The following CFAP52 variants were observed in gnomAD, a reference collection of about 807,000 sequenced individuals.
CFAP52 encodes cilia and flagella associated protein 52.
In CFAP52, 57 loss-of-function variants were observed where a neutral mutation model predicts 70.5. The ratio of observed to expected loss-of-function variants is 0.81; its 90% CI spans 0.65 to 1.01. The LOEUF (loss-of-function observed/expected upper bound fraction) is 1.01, where lower values mean the gene tolerates loss of function less well. CFAP52 is among the 50% of genes least tolerant of loss of function. The pLI is 0.00. For synonymous variants in CFAP52, 267 were observed against 292.5 expected, an observed-to-expected ratio of 0.91 and a Z score of 0.89; for missense variants, 785 against 788.5, an observed-to-expected ratio of 1.00 and a Z score of 0.05.
chr17:9,595,660 G>GT lies in CFAP52; in HGVS notation c.536+1346dup, dbSNP rs545432437. ...ACTTGAATTTTATATTAAAAAAAAA[G>GT]TTTTTTTAGGACAATCTGCATTCTA... is the stretch of plus-strand genomic sequence containing the variant. On this transcript the variant is annotated intron_variant, in intron 4 of 13. Coordinates refer to ENST00000352665, the MANE Select transcript of CFAP52 (RefSeq NM_145054.5). Among the ~76,000 whole-genome samples, 145 of 151,950 alleles carry GT rather than the reference G, an allele frequency of 9.5e-4. 6 individuals are homozygous for GT. In the South Asian group the frequency reaches 0.029, roughly 30 times the overall value.
chr17:9,627,728 T>G (rs1207980520), intron 8 of CFAP52, among the ~76,000 whole-genome samples: 2 of 152,158 alleles, frequency 1.3e-5, no homozygotes, highest in Admixed American at 6.5e-5. Context: ...TCATTTTATT[T>G]TTAGAGGCAA....
chr17:9,576,911 C>A lies in CFAP52; in HGVS notation c.70+146C>A, dbSNP rs1434036635. Reference sequence around the variant, plus strand: ...TGGCCAGGGACACGCACAGGAGGACCCGCACAGCCTGACCTGCCCCAAGGC... The same window carrying A: ...TGGCCAGGGACACGCACAGGAGGACACGCACAGCCTGACCTGCCCCAAGGC... On this transcript the variant is annotated intron_variant, in intron 1 of 13. Transcript: ENST00000352665. 1.8e-5 allele frequency: 14 copies of A among 784,064 alleles called. No individual in the cohort carries two copies. In the East Asian group the frequency reaches 2.7e-4, roughly 15 times the overall value. 48.6% of individuals were successfully genotyped at this position (784,064 alleles called of 1,614,324 possible).
intron 12 of CFAP52, 81 bp downstream of exon 12, chr17:9,638,792 T>C: frequency 7.1e-7 from 1 of 1,400,854 alleles, no homozygotes; most frequent in Non-Finnish European, 1.0e-6. Flanking sequence ...GTGCGGGCTC[T>C]GGAGTCAAAC....
chr17:9,603,461 G>A (rs1310651546), intron 6 of CFAP52, among the ~76,000 whole-genome samples: 5 of 152,038 alleles, frequency 3.3e-5, no homozygotes, highest in Admixed American at 6.6e-5. Flanking sequence ...CACCCGCCTC[G>A]GCCTCCCAAA....
At chr17:9,640,842 C>T (rs1911020655) in intron 12 of CFAP52, among the ~76,000 whole-genome samples, 1 of 152,130 alleles carries the variant, frequency 6.6e-6, no homozygotes, top group East Asian at 1.9e-4. Context: ...CAGGGTTTCA[C>T]CATATTGCCC....
chr17:9,631,053 A>C (rs1597793431), intron 9 of CFAP52, among the ~76,000 whole-genome samples: 1 of 21,678 alleles, frequency 4.6e-5, no homozygotes, highest in East Asian at 7.1e-4. Context: ...AGAGAGAGAG[A>C]GAAAGAAAGA....
At chr17:9,584,703 C>G (rs1215724504) in intron 1 of CFAP52, among the ~76,000 whole-genome samples, 1 of 150,776 alleles carries the variant, frequency 6.6e-6, no homozygotes, top group East Asian at 2.0e-4. Context: ...CTCACTGCAA[C>G]CTCCGCCTCG....
Position 9,608,237 on chromosome 17 carries a change from C to A in CFAP52, c.854+18C>A. 1 of 1,592,756 alleles carries A rather than the reference C, an allele frequency of 6.3e-7. No homozygotes were observed. Among genetic ancestry groups the A allele is most frequent in the Non-Finnish European group, 8.6e-7 (1 of 1,166,998 alleles). On this transcript the variant is annotated intron_variant, in intron 7 of 13. Transcript: ENST00000352665. ...CCCATCAAGTAAGTTCCGGGTCTCACACAGTGGGGCTGGGTAGAGACCCAC... is the reference window on the plus strand; with the variant it reads ...CCCATCAAGTAAGTTCCGGGTCTCAAACAGTGGGGCTGGGTAGAGACCCAC...
chr17:9,628,892 A>C (rs1419020761), intron 9 of CFAP52, 72 bp downstream of exon 9: 38 of 1,595,508 alleles, frequency 2.4e-5, no homozygotes, highest in Admixed American at 3.4e-5. Flanking sequence ...CTCCTCCCAT[A>C]CTAGTCTCTA....
Position 9,595,435 on chromosome 17 carries a change from G to A in CFAP52, c.536+1114G>A, listed in dbSNP as rs1328687260. Among the ~76,000 whole-genome samples, 4 of 150,442 alleles carry A rather than the reference G, an allele frequency of 2.7e-5. No homozygotes were observed. In the East Asian group the frequency reaches 5.9e-4, roughly 22 times the overall value. ...TCAGAGGCCATGAAGCTAATTGACC[G>A]GCACGAAAACCAGCCCTACCAAGCA... On this transcript the variant is annotated intron_variant, in intron 4 of 13. Transcript: ENST00000352665.
At chr17:9,594,981 C>T (rs1354965047) in intron 4 of CFAP52, among the ~76,000 whole-genome samples, 1 of 150,924 alleles carries the variant, frequency 6.6e-6, no homozygotes, top group Non-Finnish European at 1.5e-5. Context: ...ACCTCCACCT[C>T]CCGGGTTCAA....
intron 6 of CFAP52, among the ~76,000 whole-genome samples, chr17:9,603,874 G>A (rs1222611596): frequency 4.6e-5 from 7 of 152,154 alleles, no homozygotes; most frequent in African/African-American, 1.7e-4. Context: ...GAAGAACACA[G>A]TTGGAGGAGT....
intron 7 of CFAP52, 142 bp downstream of exon 7, chr17:9,608,361 C>G (rs1472404526): frequency 1.4e-5 from 9 of 644,046 alleles, no homozygotes; most frequent in African/African-American, 5.5e-5. Context: ...TAGTTGGAAT[C>G]ACAATAGATG....
At position 9,586,811 on chromosome 17, in the gene CFAP52, A is replaced by G; in HGVS notation, c.384A>G (p.Ser128=). The change falls in exon 3 of 14, where the codon TCA becomes TCG. Residue 128 remains serine, a synonymous_variant. Transcript: ENST00000352665. The part of the protein sequence containing the change: ...AFSPNDLYLV[S]LGGPDDGSVV... ...CTCCAAATGATTTGTACTTGGTATC[A>G]CTAGGAGGCCCAGATGACGGAAGGT... is the stretch of plus-strand genomic sequence containing the variant. 2 of 1,609,266 alleles carry G rather than the reference A, an allele frequency of 1.2e-6. No homozygotes were observed. The highest frequency in any genetic ancestry group is 1.7e-6 in the Non-Finnish European group (2 of 1,178,706).
chr17:9,595,650 T>TA (rs909039713), intron 4 of CFAP52, among the ~76,000 whole-genome samples: 7 of 151,120 alleles, frequency 4.6e-5, no homozygotes, highest in South Asian at 2.1e-4. Context: ...AATTTTATAT[T>TA]AAAAAAAAAG....
chr17:9,609,926 C>G (rs890595261), intron 7 of CFAP52, among the ~76,000 whole-genome samples: 5 of 151,908 alleles, frequency 3.3e-5, no homozygotes, highest in African/African-American at 9.7e-5. Flanking sequence ...CAGCATTCAT[C>G]AGGAGCCTGG....
chr17:9,579,284 G>A (rs990092237), intron 1 of CFAP52, among the ~76,000 whole-genome samples: 2 of 152,148 alleles, frequency 1.3e-5, no homozygotes, highest in African/African-American at 4.8e-5. Flanking sequence ...AGGAGTCAGC[G>A]GGTAAAGATT....
chr17:9,589,015 T>C (rs957654581), intron 3 of CFAP52, among the ~76,000 whole-genome samples: 1 of 152,058 alleles, frequency 6.6e-6, no homozygotes, highest in African/African-American at 2.4e-5. Flanking sequence ...GGCAGGAGAA[T>C]CACTTGAACC....
intron 7 of CFAP52, among the ~76,000 whole-genome samples, chr17:9,609,002 G>A (rs754928198): frequency 1.3e-4 from 20 of 152,034 alleles, no homozygotes; most frequent in African/African-American, 4.6e-4. Flanking sequence ...TGACCTTCTC[G>A]GGATGGAAAG....
Sources: gnomAD v4.1 joint callset for allele counts (sites outside exome capture counted in the v4.1 genomes callset) on GRCh38, gnomAD v4.1.1 for gene constraint, MANE v1.5 for transcripts, NCBI Gene and HGNC (gene_info 2026-07-23, HGNC 2026-07-21) for gene names.